The following USP6NL variants were observed in gnomAD, a reference collection of about 807,000 sequenced individuals.
USP6NL encodes the protein USP6 N-terminal-like protein.
In USP6NL, 26 loss-of-function variants were observed where a neutral mutation model predicts 61.9. That is an observed-to-expected ratio of 0.42 (90% CI 0.31 to 0.58). The LOEUF (loss-of-function observed/expected upper bound fraction) is 0.58, where lower values mean the gene tolerates loss of function less well. Ranked by LOEUF, USP6NL falls within the 20% of genes least tolerant of loss-of-function variation. USP6NL has a pLI of 0.16. For synonymous variants in USP6NL, 432 were observed against 390.1 expected (o/e 1.11, Z -1.27); for missense variants, 1,114 against 1,034.3 (o/e 1.08, Z -1.06).
rs753681084 is a variant in USP6NL, at chr10:11,532,179, C to T, written c.5-4612G>A. The T allele has an allele frequency of 5.0e-6, 8 of 1,590,694 alleles. No individual in the cohort carries two copies. The highest frequency in any genetic ancestry group is 1.3e-5 in the African/African-American group (1 of 74,554). On this transcript the variant is annotated intron_variant, in intron 2 of 14. Coordinates refer to ENST00000609104, the MANE Select transcript of USP6NL (RefSeq NM_014688.5). The surrounding 1 kb of genome is among the most constrained non-coding windows in gnomAD (Gnocchi z 4.1). ...ACATCAATTTTAAAAGTACTTTACCCTTTGTGAGATAATCAGTCTGGCCTT... is the reference window on the plus strand; with the variant it reads ...ACATCAATTTTAAAAGTACTTTACCTTTTGTGAGATAATCAGTCTGGCCTT...
chr10:11,485,090 A>G lies in USP6NL; in HGVS notation c.826-20T>C. 6.5e-7 allele frequency: 1 copy of G among 1,537,238 alleles called. No homozygotes were observed. Among genetic ancestry groups the G allele is most frequent in the Admixed American group, 2.1e-5 (1 of 46,728 alleles). On this transcript the variant is annotated intron_variant, in intron 12 of 14. Coordinates refer to ENST00000609104, the MANE Select transcript of USP6NL (RefSeq NM_014688.5). This position sits in a 1 kb window ranked among gnomAD's most constrained non-coding sequence, Gnocchi z 4.8. Reference sequence around the variant, plus strand: ...GGGAGTCTACAATTAAAAGCAAAACAAAACAAAAATAGGGTTAACAGCTTC... The same window carrying G: ...GGGAGTCTACAATTAAAAGCAAAACGAAACAAAAATAGGGTTAACAGCTTC...
At position 11,518,157 on chromosome 10, in the gene USP6NL, G is replaced by A. The variant is rs753110171; in HGVS notation, c.195+378C>T. 6.6e-6 allele frequency among the ~76,000 whole-genome samples: 1 copy of A among 152,164 alleles called. No individual in the cohort carries two copies. The highest frequency in any genetic ancestry group is 1.5e-5 in the Non-Finnish European group (1 of 68,028). ...AAAGAACTGCTGGTCTTAGAATGGT[G>A]CTTTATTTGCCACAGGGTACATGAG... is the stretch of plus-strand genomic sequence containing the variant. On this transcript the variant is annotated intron_variant, in intron 5 of 14. Coordinates refer to ENST00000609104, the MANE Select transcript of USP6NL (RefSeq NM_014688.5). The surrounding 1 kb of genome is among the most constrained non-coding windows in gnomAD (Gnocchi z 5.3).
intron 13 of USP6NL, among the ~76,000 whole-genome samples, chr10:11,483,249 G>A (rs945128731): frequency 2.0e-5 from 3 of 151,892 alleles, no homozygotes; most frequent in African/African-American, 2.4e-5. Flanking sequence ...CTAATGATAC[G>A]GTAGCATGTA....
chr10:11,588,609 T>C (rs1373304925), intron 2 of USP6NL, among the ~76,000 whole-genome samples: 1 of 151,988 alleles, frequency 6.6e-6, no homozygotes, highest in Non-Finnish European at 1.5e-5. Context: ...CACACACTAA[T>C]GAAAGAAAAA....
At position 11,598,581 on chromosome 10, in the gene USP6NL, C is replaced by A. The variant is rs756042097; in HGVS notation, c.-83-864G>T. Among the ~76,000 whole-genome samples, 1 of 152,084 alleles carries A rather than the reference C, an allele frequency of 6.6e-6. No individual in the cohort carries two copies. Among genetic ancestry groups the A allele is most frequent in the African/African-American group, 2.4e-5 (1 of 41,402 alleles). ...CTACCTAAATCTATCATATAAAATT[C>A]CACAGATAAGATCAGACTCAACACA... On this transcript the variant is annotated intron_variant, in intron 1 of 14. Transcript: ENST00000609104. The surrounding 1 kb of genome is among the most constrained non-coding windows in gnomAD (Gnocchi z 4.7).
chr10:11,483,599 A>G (rs1410785065), intron 13 of USP6NL, among the ~76,000 whole-genome samples: 4 of 10,878 alleles, frequency 3.7e-4, no homozygotes, highest in Admixed American at 1.0e-3. Context: ...AGAGAGGGGG[A>G]GGGGGGAGGG....
intron 2 of USP6NL, among the ~76,000 whole-genome samples, chr10:11,538,875 CTG>C (rs1418003048): frequency 5.9e-5 from 9 of 152,032 alleles, no homozygotes; most frequent in Non-Finnish European, 1.3e-4. Context: ...GACTCATCTG[CTG>C]TGTTTGTGCT....
At position 11,513,300 on chromosome 10, in the gene USP6NL, G is replaced by A. The variant is rs1177621680; in HGVS notation, c.196-3625C>T. Among the ~76,000 whole-genome samples the A allele has an allele frequency of 6.6e-6, 1 of 152,198 alleles. No individual in the cohort carries two copies. The highest frequency in any genetic ancestry group is 1.5e-5 in the Non-Finnish European group (1 of 68,026). On this transcript the variant is annotated intron_variant, in intron 5 of 14. Coordinates refer to ENST00000609104, the MANE Select transcript of USP6NL (RefSeq NM_014688.5). The surrounding 1 kb of genome is among the most constrained non-coding windows in gnomAD (Gnocchi z 4.7). Reference sequence around the variant, plus strand: ...GATCACTGTAATACAGAAGTAACCAGAAGTTAATAATATCCCGTATGTGGC... The same window carrying A: ...GATCACTGTAATACAGAAGTAACCAAAAGTTAATAATATCCCGTATGTGGC...
At position 11,548,151 on chromosome 10, in the gene USP6NL, A is replaced by G. The variant is rs1188228518; in HGVS notation, c.5-20584T>C. ...AGAAATGTCTTCCTTTTAGTTCTAA[A>G]CAAAATTAGGCTTTTCCACATGAGA... On this transcript the variant is annotated intron_variant, in intron 2 of 14. Transcript: ENST00000609104. The surrounding 1 kb of genome is among the most constrained non-coding windows in gnomAD (Gnocchi z 4.3). Among the ~76,000 whole-genome samples the G allele has an allele frequency of 6.6e-6, 1 of 152,174 alleles. No homozygotes were observed. Among genetic ancestry groups the G allele is most frequent in the Non-Finnish European group, 1.5e-5 (1 of 68,034 alleles).
At chr10:11,509,274 G>A (rs1834594670) in intron 6 of USP6NL, among the ~76,000 whole-genome samples, 1 of 152,204 alleles carries the variant, frequency 6.6e-6, no homozygotes, top group Admixed American at 6.5e-5. Context: ...TCAAGATGGG[G>A]CTGACAGTGC....
chr10:11,477,545 G>A (rs1310496362), intron 14 of USP6NL, among the ~76,000 whole-genome samples: 14 of 152,136 alleles, frequency 9.2e-5, no homozygotes, highest in Admixed American at 9.2e-4. Flanking sequence ...AGCTGTTAAG[G>A]AATAATTTTA....
rs1833707883 is a variant in USP6NL, at chr10:11,491,518, GGAA to G, written c.495-641_495-639del. Among the ~76,000 whole-genome samples the G allele has an allele frequency of 1.3e-5, 2 of 152,198 alleles. No individual in the cohort carries two copies. Among genetic ancestry groups the G allele is most frequent in the Admixed American group, 6.5e-5 (1 of 15,278 alleles). Reference sequence around the variant, plus strand: ...GACATAACAGTGATTCCACTGACCTGGAAGCTGAAACTGCCACCCAACCACTTT... The same window carrying G: ...GACATAACAGTGATTCCACTGACCTGGCTGAAACTGCCACCCAACCACTTT... On this transcript the variant is annotated intron_variant, in intron 8 of 14. Transcript: ENST00000609104. The surrounding 1 kb of genome is among the most constrained non-coding windows in gnomAD (Gnocchi z 4.7).
rs749645422 is a variant in USP6NL, at chr10:11,463,103, G to A, written c.1825C>T (p.Pro609Ser). 3 of 1,614,018 alleles carry A rather than the reference G, an allele frequency of 1.9e-6. No homozygotes were observed. The highest frequency in any genetic ancestry group is 2.2e-5 in the East Asian group (1 of 44,884). The change falls in exon 15 of 15, where the codon CCT becomes TCT. Residue 609 changes from proline (P) to serine (S), a missense_variant. Transcript: ENST00000609104. The surrounding 1 kb of genome is among the most constrained non-coding windows in gnomAD (Gnocchi z 6.3). ...VSNKFTFKVQPPSHARYPSQL... is the reference protein window; with the variant it reads ...VSNKFTFKVQSPSHARYPSQL... ...GACGGATATCGTGCATGACTTGGAGGCTGTACTTTAAAAGTAAACTTGTTG... is the reference window on the plus strand; with the variant it reads ...GACGGATATCGTGCATGACTTGGAGACTGTACTTTAAAAGTAAACTTGTTG...
rs200503220 is a variant in USP6NL, at chr10:11,551,107, T to C, written c.5-23540A>G. ...AGTTAGATATAAAATTGTATCATAC[T>C]GACCAGCAATCTCACTCCTAGGTAT... On this transcript the variant is annotated intron_variant, in intron 2 of 14. Transcript: ENST00000609104. Among the ~76,000 whole-genome samples the C allele has an allele frequency of 4.0e-4, 61 of 152,358 alleles. 1 individual carries two copies. The East Asian group carries it at 5.8e-3, about 14-fold the overall frequency.
intron 2 of USP6NL, among the ~76,000 whole-genome samples, chr10:11,586,266 T>C (rs1837958798): frequency 6.6e-6 from 1 of 151,476 alleles, no homozygotes; most frequent in Non-Finnish European, 1.5e-5. Flanking sequence ...TAATTAGGCA[T>C]AAAAAGCTCA....
intron 2 of USP6NL, among the ~76,000 whole-genome samples, chr10:11,580,996 TTA>T (rs1391376554): frequency 2.0e-5 from 3 of 152,144 alleles, no homozygotes; most frequent in Non-Finnish European, 2.9e-5. Flanking sequence ...TAAAGCAAAA[TTA>T]TACTATTATT....
chr10:11,605,668 G>T (rs1838683892), intron 1 of USP6NL, among the ~76,000 whole-genome samples: 1 of 152,086 alleles, frequency 6.6e-6, no homozygotes, highest in Non-Finnish European at 1.5e-5. Flanking sequence ...AAGCATATCT[G>T]AAAAATAACT....
rs1460277774 is a variant in USP6NL at position 11,485,951 on chromosome 10, C to G, written c.665-40G>C. On this transcript the variant is annotated intron_variant, in intron 10 of 14. Transcript: ENST00000609104. The surrounding 1 kb of genome is among the most constrained non-coding windows in gnomAD (Gnocchi z 4.8). ...TAAAAACAACATTTCATAAACAATACCAACAAAACCCTCCAATCTTAAAAC... is the reference window on the plus strand; with the variant it reads ...TAAAAACAACATTTCATAAACAATAGCAACAAAACCCTCCAATCTTAAAAC... 20 of 1,300,144 alleles carry G rather than the reference C, an allele frequency of 1.5e-5. No homozygotes were observed. The highest frequency in any genetic ancestry group is 1.1e-5 in the Non-Finnish European group (10 of 946,010). The allele number at this position is 1,300,144 out of a possible 1,614,324, so 80.5% of individuals were successfully genotyped here.
Position 11,513,393 on chromosome 10 carries a change from G to A in USP6NL, c.196-3718C>T, listed in dbSNP as rs1032203017. ...TTTCAAAGTGTTGCCAAAAGGCAGA[G>A]CTGCTGATGTTAACAGCCTATATGA... On this transcript the variant is annotated intron_variant, in intron 5 of 14. Coordinates refer to ENST00000609104, the MANE Select transcript of USP6NL (RefSeq NM_014688.5). This position sits in a 1 kb window ranked among gnomAD's most constrained non-coding sequence, Gnocchi z 4.7. Among the ~76,000 whole-genome samples the A allele has an allele frequency of 2.0e-5, 3 of 152,234 alleles. No homozygotes were observed. Among genetic ancestry groups the A allele is most frequent in the African/African-American group, 7.2e-5 (3 of 41,464 alleles).
Sources: allele counts gnomAD v4.1 joint callset (sites outside exome capture counted in the v4.1 genomes callset), GRCh38; gene constraint gnomAD v4.1.1; non-coding constraint Gnocchi (gnomAD v3.1); transcripts MANE v1.5; gene names NCBI Gene and HGNC (gene_info 2026-07-23, HGNC 2026-07-21).